The following FOXP2 variants were observed in gnomAD, a reference collection of about 807,000 sequenced individuals.
FOXP2 encodes the protein forkhead box protein P2.
In FOXP2, 12 loss-of-function variants were observed where a neutral mutation model predicts 115.8. The observed-to-expected ratio is 0.10, with a 90% CI of 0.07 to 0.17. FOXP2 has a LOEUF of 0.17. Among genes scored for constraint, FOXP2 ranks in the 10% least tolerant of loss-of-function variants. FOXP2 has a pLI of 1.00. For missense variants in FOXP2, 629 were observed against 843.5 expected, an observed-to-expected ratio of 0.75 and a Z score of 3.15; for synonymous variants, 328 against 297.7, an observed-to-expected ratio of 1.10 and a Z score of -1.05.
intron 2 of FOXP2, among the ~76,000 whole-genome samples, chr7:114,477,241 G>C (rs1796315766): frequency 6.6e-6 from 1 of 151,952 alleles, no homozygotes; most frequent in South Asian, 2.1e-4. Flanking sequence ...CAAAAGCAGA[G>C]ACATGAAATC....
chr7:114,459,520 C>A (rs1050943482), intron 2 of FOXP2, among the ~76,000 whole-genome samples: 2 of 152,200 alleles, frequency 1.3e-5, no homozygotes, highest in African/African-American at 4.8e-5. Context: ...ATATTTTATT[C>A]TAGATTTCCG....
At chr7:114,561,299 A>G (rs1334903836) in intron 3 of FOXP2, 3 of 151,692 alleles carry the variant, frequency 2.0e-5, no homozygotes, top group South Asian at 2.1e-4. Context: ...TTTAATATCA[A>G]TTTTTTTTTC....
chr7:114,230,954 T>G (rs1329036506), intron 1 of FOXP2, among the ~76,000 whole-genome samples: 2 of 138,488 alleles, frequency 1.4e-5, no homozygotes, highest in Non-Finnish European at 3.1e-5. Context: ...CATGATCTCA[T>G]ATATAGAAAA....
At chr7:114,240,060 C>T (rs1271454636) in intron 1 of FOXP2, among the ~76,000 whole-genome samples, 1 of 152,156 alleles carries the variant, frequency 6.6e-6, no homozygotes, top group Admixed American at 6.5e-5. Context: ...TTTTTCCCCA[C>T]ACTCCAGCCT....
chr7:114,652,423 T>C (rs919917300), intron 9 of FOXP2, 133 bp downstream of exon 9: 4 of 763,774 alleles, frequency 5.2e-6, no homozygotes, highest in Admixed American at 2.0e-5. Flanking sequence ...ATACATGATA[T>C]TTTAGATTGT....
chr7:114,124,403 T>A (rs547500076), intron 1 of FOXP2, among the ~76,000 whole-genome samples: 1 of 152,102 alleles, frequency 6.6e-6, no homozygotes, highest in South Asian at 2.1e-4. Context: ...CATTCTATAA[T>A]TTAGTTTTAA....
intron 3 of FOXP2, among the ~76,000 whole-genome samples, chr7:114,555,945 A>G (rs529516557): frequency 1.3e-5 from 2 of 152,296 alleles, no homozygotes; most frequent in South Asian, 4.1e-4. Flanking sequence ...CTTGTCTTCT[A>G]TACCTCCCTC....
At chr7:114,099,673 TTTCTGCGGAGCATTGG>T in intron 1 of FOXP2, among the ~76,000 whole-genome samples, 1 of 152,310 alleles carries the variant, frequency 6.6e-6, no homozygotes, top group South Asian at 2.1e-4. Flanking sequence ...TTTCCTTTGG[TTTCTGCGGAGCATTGG>T]TTCCAGGACC....
chr7:114,634,309 T>C (rs1417759510), intron 6 of FOXP2, among the ~76,000 whole-genome samples: 1 of 152,148 alleles, frequency 6.6e-6, no homozygotes, highest in African/African-American at 2.4e-5. Flanking sequence ...AACTATGTCA[T>C]ATTTTATTTG....
At chr7:114,351,105 C>T (rs1791478153) in intron 2 of FOXP2, among the ~76,000 whole-genome samples, 1 of 152,104 alleles carries the variant, frequency 6.6e-6, no homozygotes, top group Non-Finnish European at 1.5e-5. Flanking sequence ...TTTCTGTCCA[C>T]GGTTTGTTGA....
chr7:114,170,324 GCTTCCTTCCCT>G (rs2129152680), intron 1 of FOXP2, among the ~76,000 whole-genome samples: 1 of 152,204 alleles, frequency 6.6e-6, no homozygotes, highest in African/African-American at 2.4e-5. Context: ...TTCTCTTCAG[GCTTCCTTCCCT>G]CTTCCCTAAA....
chr7:114,327,447 T>C (rs542386547), intron 2 of FOXP2, among the ~76,000 whole-genome samples: 5 of 152,282 alleles, frequency 3.3e-5, no homozygotes, highest in Admixed American at 2.6e-4. Context: ...CTATTAAATA[T>C]TTCCTGATAC....
intron 1 of FOXP2, among the ~76,000 whole-genome samples, chr7:114,165,801 T>G (rs1792967312): frequency 6.6e-6 from 1 of 152,158 alleles, no homozygotes; most frequent in Admixed American, 6.5e-5. Context: ...GAGGCCCACA[T>G]TAGCCAACAT....
At chr7:114,661,052 CTT>C (rs3028481) in intron 13 of FOXP2, among the ~76,000 whole-genome samples, 4 of 142,434 alleles carry the variant, frequency 2.8e-5, no homozygotes, top group African/African-American at 2.6e-5. Context: ...TCTGCTTATG[CTT>C]TTTTTTTTTT....
intron 1 of FOXP2, among the ~76,000 whole-genome samples, chr7:114,250,813 T>G (rs1173920531): frequency 6.6e-6 from 1 of 152,204 alleles, no homozygotes; most frequent in Admixed American, 6.5e-5. Flanking sequence ...TAGATCCTAT[T>G]TGTCAATTTT....
At chr7:114,467,428 G>A (rs554986733) in intron 2 of FOXP2, among the ~76,000 whole-genome samples, 1 of 152,212 alleles carries the variant, frequency 6.6e-6, no homozygotes, top group Non-Finnish European at 1.5e-5. Flanking sequence ...TTAAGAGAGA[G>A]CATCGGAAGG....
chr7:114,486,444 G>A (rs1471174851), intron 2 of FOXP2, among the ~76,000 whole-genome samples: 1 of 151,986 alleles, frequency 6.6e-6, no homozygotes, highest in African/African-American at 2.4e-5. Flanking sequence ...GATTTGGGTG[G>A]GGACACAGCC....
intron 2 of FOXP2, among the ~76,000 whole-genome samples, chr7:114,474,640 G>A (rs1796179856): frequency 6.6e-6 from 1 of 152,112 alleles, no homozygotes; most frequent in Non-Finnish European, 1.5e-5. Flanking sequence ...GTGGTGATTG[G>A]TTAGGGAATT....
chr7:114,389,855 C>G (rs1256402736), intron 2 of FOXP2, among the ~76,000 whole-genome samples: 1 of 151,820 alleles, frequency 6.6e-6, no homozygotes, highest in Non-Finnish European at 1.5e-5. Flanking sequence ...GAAACCCTGT[C>G]TCTACTAAAA....
Sources: allele counts gnomAD v4.1 joint callset (sites outside exome capture counted in the v4.1 genomes callset), GRCh38; gene constraint gnomAD v4.1.1; transcripts MANE v1.5; gene names NCBI Gene and HGNC (gene_info 2026-07-23, HGNC 2026-07-21).